PDE3A: variants seen among roughly 807,000 people sequenced by gnomAD.
PDE3A encodes the protein cGMP-inhibited 3',5'-cyclic phosphodiesterase 3A.
A neutral mutation model predicts 98.3 loss-of-function variants in PDE3A; 43 were observed. The ratio of observed to expected loss-of-function variants is 0.44; its 90% CI spans 0.34 to 0.56. PDE3A has a LOEUF of 0.56. Ranked by LOEUF, PDE3A falls within the 20% of genes least tolerant of loss-of-function variation. The probability of loss-of-function intolerance (pLI) is 0.01; values close to 1 mark genes in which losing one functional copy is unlikely to be tolerated. For missense variants in PDE3A, 1,427 were observed against 1,440.7 expected, an observed-to-expected ratio of 0.99 and a Z score of 0.15; for synonymous variants, 663 against 567.9, an observed-to-expected ratio of 1.17 and a Z score of -2.38.
intron 1 of PDE3A, among the ~76,000 whole-genome samples, chr12:20,438,472 A>G (rs1331041645): frequency 3.9e-5 from 6 of 152,208 alleles, no homozygotes; most frequent in Non-Finnish European, 8.8e-5. Flanking sequence ...ATTTAGTAAT[A>G]TGAGAAAATA....
chr12:20,620,881 C>A (rs1021988319), intron 4 of PDE3A, among the ~76,000 whole-genome samples: 1 of 151,770 alleles, frequency 6.6e-6, no homozygotes, highest in Non-Finnish European at 1.5e-5. Flanking sequence ...ACAGATCCAC[C>A]AAAAATAATA....
intron 2 of PDE3A, among the ~76,000 whole-genome samples, chr12:20,602,755 G>A (rs549865708): frequency 6.6e-6 from 1 of 152,098 alleles, no homozygotes; most frequent in Non-Finnish European, 1.5e-5. Flanking sequence ...ATTAAAATAC[G>A]CAAACATCTG....
chr12:20,497,017 A>G (rs926398552), intron 1 of PDE3A, among the ~76,000 whole-genome samples: 1 of 152,152 alleles, frequency 6.6e-6, no homozygotes, highest in African/African-American at 2.4e-5. Context: ...TTTCAGCGTT[A>G]TCTTGGGTGT....
At chr12:20,374,094 A>T (rs1025478041) in intron 1 of PDE3A, among the ~76,000 whole-genome samples, 1 of 152,096 alleles carries the variant, frequency 6.6e-6, no homozygotes, top group Admixed American at 6.6e-5. Context: ...AGCAATATTG[A>T]TTACTTATGA....
intron 1 of PDE3A, among the ~76,000 whole-genome samples, chr12:20,530,241 G>A (rs1946600021): frequency 6.6e-6 from 1 of 152,052 alleles, no homozygotes; most frequent in Admixed American, 6.6e-5. Flanking sequence ...CAAACTATAA[G>A]TTATAGCTGA....
chr12:20,458,142 T>C (rs902148109), intron 1 of PDE3A, among the ~76,000 whole-genome samples: 1 of 152,116 alleles, frequency 6.6e-6, no homozygotes, highest in Non-Finnish European at 1.5e-5. Context: ...TATAAAGCAG[T>C]TAGCTGTCCT....
chr12:20,448,297 C>T (rs974906177), intron 1 of PDE3A, among the ~76,000 whole-genome samples: 4 of 152,006 alleles, frequency 2.6e-5, no homozygotes, highest in South Asian at 2.1e-4. Flanking sequence ...AAAAATTAGC[C>T]GGGCGTAGTG....
intron 1 of PDE3A, among the ~76,000 whole-genome samples, chr12:20,429,556 T>C (rs1944659622): frequency 6.6e-6 from 1 of 152,198 alleles, no homozygotes; most frequent in Non-Finnish European, 1.5e-5. Flanking sequence ...TAGAGCAATC[T>C]TCACTGAACT....
At chr12:20,556,213 T>C (rs531666272) in intron 1 of PDE3A, among the ~76,000 whole-genome samples, 2 of 152,290 alleles carry the variant, frequency 1.3e-5, no homozygotes, top group Admixed American at 6.5e-5. Flanking sequence ...TTTTACTCTT[T>C]AGAACTCTCA....
intron 15 of PDE3A, among the ~76,000 whole-genome samples, chr12:20,679,538 G>A (rs947097832): frequency 2.0e-5 from 3 of 152,272 alleles, no homozygotes; most frequent in African/African-American, 7.2e-5. Context: ...GTGAGCCACT[G>A]CACCCAGCCT....
chr12:20,629,363 C>A (rs1944330757), intron 5 of PDE3A, among the ~76,000 whole-genome samples: 1 of 152,190 alleles, frequency 6.6e-6, no homozygotes, highest in Non-Finnish European at 1.5e-5. Flanking sequence ...CTCTTTCACA[C>A]CGAAAGGTCT....
At chr12:20,630,515 G>T (rs1173986392) in intron 6 of PDE3A, among the ~76,000 whole-genome samples, 1 of 152,076 alleles carries the variant, frequency 6.6e-6, no homozygotes, top group African/African-American at 2.4e-5. Flanking sequence ...TTGATATTAG[G>T]CATATTTAAT....
At chr12:20,655,374 T>A (rs893491773) in intron 15 of PDE3A, among the ~76,000 whole-genome samples, 2 of 152,000 alleles carry the variant, frequency 1.3e-5, no homozygotes, top group African/African-American at 4.8e-5. Flanking sequence ...GGTCCGGGGA[T>A]GTACATTGGG....
At chr12:20,640,997 G>T (rs755738490) in intron 10 of PDE3A, among the ~76,000 whole-genome samples, 183 of 152,032 alleles carry the variant, frequency 1.2e-3, no homozygotes, top group Non-Finnish European at 2.3e-3. Context: ...TTTCGTAATT[G>T]TAAAGAGCTG....
At chr12:20,463,619 G>C (rs1450445267) in intron 1 of PDE3A, among the ~76,000 whole-genome samples, 1 of 152,100 alleles carries the variant, frequency 6.6e-6, no homozygotes. Flanking sequence ...AGGATGTATA[G>C]CTGCAAATAG....
intron 15 of PDE3A, among the ~76,000 whole-genome samples, chr12:20,663,659 T>C (rs933442954): frequency 3.9e-5 from 6 of 152,216 alleles, no homozygotes; most frequent in African/African-American, 7.2e-5. Flanking sequence ...TTTGGAATGA[T>C]TGTATTTACC....
intron 1 of PDE3A, among the ~76,000 whole-genome samples, chr12:20,456,280 A>C (rs759521887): frequency 6.6e-6 from 1 of 152,160 alleles, no homozygotes; most frequent in Non-Finnish European, 1.5e-5. Flanking sequence ...AAGCAGGTAG[A>C]ATTTTAAAAT....
intron 1 of PDE3A, among the ~76,000 whole-genome samples, chr12:20,406,079 G>A (rs1944227908): frequency 6.6e-6 from 1 of 152,116 alleles, no homozygotes; most frequent in Non-Finnish European, 1.5e-5. Flanking sequence ...GTATTTCATT[G>A]TGTATGCACA....
chr12:20,521,327 C>T (rs574521713), intron 1 of PDE3A, among the ~76,000 whole-genome samples: 13 of 152,018 alleles, frequency 8.6e-5, no homozygotes, highest in Non-Finnish European at 1.6e-4. Flanking sequence ...GGAGTGGTAA[C>T]ATGAATAATA....
Sources: gnomAD v4.1 joint callset for allele counts (sites outside exome capture counted in the v4.1 genomes callset) on GRCh38, gnomAD v4.1.1 for gene constraint, MANE v1.5 for transcripts, NCBI Gene and HGNC (gene_info 2026-07-23, HGNC 2026-07-21) for gene names.